SIPA1L2: variants seen among roughly 807,000 people sequenced by gnomAD.
SIPA1L2 encodes the protein signal-induced proliferation-associated 1-like protein 2.
In SIPA1L2, 56 loss-of-function variants were observed where a neutral mutation model predicts 163.9. The ratio of observed to expected loss-of-function variants is 0.34; its 90% CI spans 0.28 to 0.43. The LOEUF (loss-of-function observed/expected upper bound fraction) is 0.43, where lower values mean the gene tolerates loss of function less well. SIPA1L2 is among the 20% of genes least tolerant of loss of function. SIPA1L2 has a pLI of 1.00. For missense variants in SIPA1L2, 1,974 were observed against 2,193.5 expected (o/e 0.90, Z 2.00); for synonymous variants, 877 against 865.7 (o/e 1.01, Z -0.23).
At chr1:232,583,323 A>G (rs1240222690) in intron 1 of SIPA1L2, among the ~76,000 whole-genome samples, 3 of 152,258 alleles carry the variant, frequency 2.0e-5, no homozygotes, top group Non-Finnish European at 4.4e-5. Context: ...AAAATTTAGC[A>G]TATATAGCTG....
intron 2 of SIPA1L2, among the ~76,000 whole-genome samples, chr1:232,551,488 T>C (rs1286607528): frequency 6.6e-6 from 1 of 152,184 alleles, no homozygotes. Context: ...CCACGAGAAT[T>C]TGAAAAATTT....
intron 3 of SIPA1L2, among the ~76,000 whole-genome samples, chr1:232,500,191 G>A (rs1399768674): frequency 6.6e-6 from 1 of 152,164 alleles, no homozygotes; most frequent in East Asian, 1.9e-4. Context: ...TATTGACAAC[G>A]CATCTCATCA....
intron 22 of SIPA1L2, 43 bp from the exon 23 acceptor site, chr1:232,399,316 TAC>T: frequency 6.3e-7 from 1 of 1,591,864 alleles, no homozygotes; most frequent in Non-Finnish European, 8.6e-7. Flanking sequence ...GACTGATCGA[TAC>T]ATTCATTCCT....
intron 7 of SIPA1L2, among the ~76,000 whole-genome samples, chr1:232,479,389 C>T (rs748618582): frequency 6.6e-6 from 1 of 152,192 alleles, no homozygotes; most frequent in Non-Finnish European, 1.5e-5. Flanking sequence ...AAAGATTTTG[C>T]TTAGCAAGCA....
chr1:232,607,116 CTAT>C (rs1444605669), intron 1 of SIPA1L2, among the ~76,000 whole-genome samples: 11 of 151,964 alleles, frequency 7.2e-5, no homozygotes, highest in Admixed American at 7.2e-4. Context: ...ATGTTTTTTC[CTAT>C]TATAAAATTA....
chr1:232,436,867 G>C (rs542959422), intron 15 of SIPA1L2, among the ~76,000 whole-genome samples: 15 of 152,322 alleles, frequency 9.8e-5, no homozygotes, highest in African/African-American at 3.4e-4. Flanking sequence ...AGCCTAGGAT[G>C]CAAGTTGAAA....
At chr1:232,531,613 CAGA>C (rs1223298009) in intron 2 of SIPA1L2, among the ~76,000 whole-genome samples, 1 of 152,162 alleles carries the variant, frequency 6.6e-6, no homozygotes, top group Admixed American at 6.5e-5. Flanking sequence ...AGTATTCTGG[CAGA>C]AGAAGTCATG....
At chr1:232,469,890 A>G (rs1664713843) in intron 8 of SIPA1L2, among the ~76,000 whole-genome samples, 1 of 151,830 alleles carries the variant, frequency 6.6e-6, no homozygotes, top group Admixed American at 6.5e-5. Flanking sequence ...TAAAAGAAAT[A>G]AATTGAACAG....
intron 5 of SIPA1L2, among the ~76,000 whole-genome samples, chr1:232,485,748 C>T (rs904034949): frequency 2.0e-5 from 3 of 152,156 alleles, no homozygotes; most frequent in African/African-American, 4.8e-5. Flanking sequence ...TCATGGACAA[C>T]GATGTTAGTT....
chr1:232,619,132 G>GA, intron 1 of SIPA1L2, among the ~76,000 whole-genome samples: 1 of 152,346 alleles, frequency 6.6e-6, no homozygotes, highest in East Asian at 1.9e-4. Context: ...AGGAACAACT[G>GA]AGAGTGTTCT....
At chr1:232,428,942 G>A (rs940324199) in intron 16 of SIPA1L2, among the ~76,000 whole-genome samples, 5 of 152,156 alleles carry the variant, frequency 3.3e-5, no homozygotes, top group African/African-American at 9.7e-5. Flanking sequence ...GTGTGCTCTC[G>A]CGGCTGGACA....
chr1:232,471,879 T>C (rs1664818412), intron 7 of SIPA1L2, among the ~76,000 whole-genome samples: 4 of 152,174 alleles, frequency 2.6e-5, no homozygotes. Flanking sequence ...GACGACAAAG[T>C]CCAAGAGAGG....
intron 7 of SIPA1L2, among the ~76,000 whole-genome samples, chr1:232,473,208 T>C (rs754372626): frequency 6.6e-6 from 1 of 152,246 alleles, no homozygotes; most frequent in Non-Finnish European, 1.5e-5. Context: ...ACATGATTCA[T>C]AGGCATTGTA....
At chr1:232,420,076 C>G (rs1281858545) in intron 18 of SIPA1L2, among the ~76,000 whole-genome samples, 1 of 152,158 alleles carries the variant, frequency 6.6e-6, no homozygotes, top group African/African-American at 2.4e-5. Flanking sequence ...AATCCCAGCA[C>G]TTTGGGAGGC....
chr1:232,622,534 C>CA (rs2102891747), intron 1 of SIPA1L2, among the ~76,000 whole-genome samples: 1 of 152,310 alleles, frequency 6.6e-6, no homozygotes, highest in East Asian at 1.9e-4. Context: ...TCATGGGATT[C>CA]AAATAGGGCT....
chr1:232,608,222 A>G (rs901012909), intron 1 of SIPA1L2, among the ~76,000 whole-genome samples: 2 of 152,082 alleles, frequency 1.3e-5, no homozygotes, highest in African/African-American at 4.8e-5. Flanking sequence ...ATTTTTTTGT[A>G]TTTTTAGTAG....
chr1:232,565,439 C>T (rs1173020263), intron 2 of SIPA1L2, among the ~76,000 whole-genome samples: 1 of 152,240 alleles, frequency 6.6e-6, no homozygotes, highest in Non-Finnish European at 1.5e-5. Flanking sequence ...CAACTATTGA[C>T]TGTGAGACCT....
intron 2 of SIPA1L2, among the ~76,000 whole-genome samples, chr1:232,538,508 A>G (rs1398788729): frequency 1.3e-5 from 2 of 152,188 alleles, no homozygotes; most frequent in African/African-American, 4.8e-5. Flanking sequence ...CCCTTTCCAC[A>G]GAGTCCCCCA....
chr1:232,610,686 G>C (rs1399130757), intron 1 of SIPA1L2, among the ~76,000 whole-genome samples: 3 of 152,086 alleles, frequency 2.0e-5, no homozygotes, highest in East Asian at 1.9e-4. Context: ...TAGGCCGCCA[G>C]AAGAGCTCAG....
Sources: allele counts gnomAD v4.1 joint callset (sites outside exome capture counted in the v4.1 genomes callset), GRCh38; gene constraint gnomAD v4.1.1; transcripts MANE v1.5; gene names NCBI Gene and HGNC (gene_info 2026-07-23, HGNC 2026-07-21).